Variants in PLCB1 observed in about 807,000 individuals in gnomAD.
The protein encoded by PLCB1 is 1-phosphatidylinositol 4,5-bisphosphate phosphodiesterase beta-1.
PLCB1 carries 46 observed loss-of-function variants against 161.8 expected under a neutral mutation model. That is an observed-to-expected ratio of 0.28 (90% CI 0.22 to 0.36). PLCB1 has a LOEUF of 0.36. PLCB1 is among the 10% of genes least tolerant of loss of function. The pLI is 1.00. For missense variants in PLCB1, 1,016 were observed against 1,472.5 expected, an observed-to-expected ratio of 0.69 and a Z score of 5.07; for synonymous variants, 517 against 503.7, an observed-to-expected ratio of 1.03 and a Z score of -0.35.
At chr20:8,727,158 GA>G (rs988493259) in intron 16 of PLCB1, 150 bp from the exon 17 acceptor site, 44 of 539,040 alleles carry the variant, frequency 8.2e-5, no homozygotes, top group East Asian at 9.0e-5. Context: ...TAGTGCACTA[GA>G]AAAAAAAATT....
At chr20:8,786,654 A>C (rs1257914221) in intron 27 of PLCB1, among the ~76,000 whole-genome samples, 1 of 151,836 alleles carries the variant, frequency 6.6e-6, no homozygotes, top group Non-Finnish European at 1.5e-5. Flanking sequence ...GCATAGGGCA[A>C]TTCTCAGAAT....
intron 10 of PLCB1, among the ~76,000 whole-genome samples, chr20:8,693,564 G>A (rs1990525927): frequency 6.6e-6 from 1 of 152,168 alleles, no homozygotes; most frequent in South Asian, 2.1e-4. Flanking sequence ...TCCATCTGTT[G>A]AAGGGGACAA....
chr20:8,603,760 C>A lies in PLCB1; in HGVS notation c.247-24534C>A, dbSNP rs190679870. On this transcript the variant is annotated intron_variant, in intron 3 of 31. Transcript: ENST00000338037. ...ATGTGTGTTTCAACTTGACACTAAC[C>A]AATAATTCTACCACTTAACATTAAC... Among the ~76,000 whole-genome samples the A allele has an allele frequency of 6.1e-4, 93 of 152,306 alleles. No homozygotes were observed. In the Middle Eastern group the frequency reaches 0.024, roughly 39 times the overall value.
intron 3 of PLCB1, among the ~76,000 whole-genome samples, chr20:8,408,602 A>T (rs993956707): frequency 1.3e-5 from 2 of 152,158 alleles, no homozygotes; most frequent in African/African-American, 2.4e-5. Context: ...CATGGGACAT[A>T]CTGTAAATTT....
At chr20:8,665,540 A>C (rs1321772402) in intron 9 of PLCB1, among the ~76,000 whole-genome samples, 1 of 152,216 alleles carries the variant, frequency 6.6e-6, no homozygotes, top group Non-Finnish European at 1.5e-5. Flanking sequence ...CTTGAAAAAA[A>C]TATGGCATGT....
chr20:8,881,328 CGTGTGTGTGTGTGT>C (rs3222517), intron 31 of PLCB1, among the ~76,000 whole-genome samples: 1 of 128,980 alleles, frequency 7.8e-6, no homozygotes, highest in South Asian at 2.4e-4. Flanking sequence ...TCAAAAGACC[CGTGTGTGTGTGTGT>C]GTGTGTGTGT....
chr20:8,629,763 A>G (rs1042494383), intron 4 of PLCB1, among the ~76,000 whole-genome samples: 1 of 149,744 alleles, frequency 6.7e-6, no homozygotes, highest in African/African-American at 2.5e-5. Flanking sequence ...GAGCTACACC[A>G]GATGTGTTGG....
At chr20:8,605,368 A>T (rs1005397354) in intron 3 of PLCB1, among the ~76,000 whole-genome samples, 3 of 152,114 alleles carry the variant, frequency 2.0e-5, no homozygotes, top group Non-Finnish European at 4.4e-5. Flanking sequence ...CCACTTATAG[A>T]CGTAGTTCAC....
chr20:8,760,568 A>G, intron 25 of PLCB1, 108 bp downstream of exon 25: 1 of 693,602 alleles, frequency 1.4e-6, no homozygotes, highest in Non-Finnish European at 2.5e-6. Context: ...AACATCATTA[A>G]TATTTCTTCT....
chr20:8,464,678 A>G (rs962492518), intron 3 of PLCB1, among the ~76,000 whole-genome samples: 2 of 152,184 alleles, frequency 1.3e-5, no homozygotes, highest in African/African-American at 4.8e-5. Flanking sequence ...GAGATAACAT[A>G]GAAAAGTTCA....
chr20:8,387,568 A>G (rs573792966), intron 3 of PLCB1, among the ~76,000 whole-genome samples: 1 of 152,358 alleles, frequency 6.6e-6, no homozygotes, highest in South Asian at 2.1e-4. Flanking sequence ...AAAATTACCA[A>G]AATGTGACAC....
At chr20:8,711,476 A>C (rs1979013568) in intron 12 of PLCB1, among the ~76,000 whole-genome samples, 1 of 152,266 alleles carries the variant, frequency 6.6e-6, no homozygotes, top group Non-Finnish European at 1.5e-5. Context: ...TAGCTATTAA[A>C]AGTTCATTAA....
At chr20:8,146,113 T>G (rs1040185555) in intron 1 of PLCB1, among the ~76,000 whole-genome samples, 117 of 151,902 alleles carry the variant, frequency 7.7e-4, no homozygotes, top group African/African-American at 2.5e-3. Context: ...TTGTTTTTTT[T>G]TTTTTTGGTA....
intron 31 of PLCB1, among the ~76,000 whole-genome samples, chr20:8,872,904 A>G (rs962522519): frequency 5.3e-5 from 8 of 152,152 alleles, no homozygotes; most frequent in Non-Finnish European, 4.4e-5. Flanking sequence ...CGCAAAATGG[A>G]GAATCAATTC....
chr20:8,174,866 T>C (rs143614888), intron 2 of PLCB1, among the ~76,000 whole-genome samples: 3 of 151,964 alleles, frequency 2.0e-5, no homozygotes, highest in Admixed American at 6.6e-5. Context: ...CTGGCCAAGA[T>C]AGCAAATTCC....
At position 8,697,689 on chromosome 20, in the gene PLCB1, G is replaced by T. The variant is rs2123428071; in HGVS notation, c.1073G>T (p.Arg358Leu). 6.2e-7 allele frequency: 1 copy of T among 1,614,158 alleles called. No homozygotes were observed. Among genetic ancestry groups the T allele is most frequent in the Non-Finnish European group, 8.5e-7 (1 of 1,179,998 alleles). Residue 358 changes from arginine (R) to leucine (L), a missense_variant, in exon 11 of 32, where the codon CGC (arginine) becomes CTC (leucine). This residue lies in a region of PLCB1 where 56 missense variants were observed against 126.3 expected (regional missense o/e 0.44). Coordinates refer to ENST00000338037, the MANE Select transcript of PLCB1 (RefSeq NM_015192.4). Reference protein sequence around the residue: ...MYRQVLLSGCRCVELDCWKGR... With the variant: ...MYRQVLLSGCLCVELDCWKGR... ...CGCCAAGTGCTCCTGTCTGGTTGTCGCTGTGTGGAGCTGGACTGCTGGAAG... is the reference window on the plus strand; with the variant it reads ...CGCCAAGTGCTCCTGTCTGGTTGTCTCTGTGTGGAGCTGGACTGCTGGAAG...
intron 3 of PLCB1, among the ~76,000 whole-genome samples, chr20:8,570,317 T>C (rs1986464327): frequency 6.6e-6 from 1 of 152,136 alleles, no homozygotes; most frequent in Admixed American, 6.5e-5. Flanking sequence ...CCCCTCTAAG[T>C]CTGTGGCTTC....
At chr20:8,425,783 A>G (rs1008721885) in intron 3 of PLCB1, among the ~76,000 whole-genome samples, 6 of 152,180 alleles carry the variant, frequency 3.9e-5, no homozygotes, top group African/African-American at 1.4e-4. Flanking sequence ...CACCATCAGC[A>G]GCAATGTCCA....
intron 2 of PLCB1, among the ~76,000 whole-genome samples, chr20:8,260,183 C>A (rs1053400584): frequency 2.1e-4 from 31 of 150,798 alleles, no homozygotes; most frequent in Non-Finnish European, 5.9e-5. Flanking sequence ...TAGACTCAAG[C>A]AATCTTATAG....
Sources: allele counts gnomAD v4.1 joint callset (sites outside exome capture counted in the v4.1 genomes callset), GRCh38; gene constraint gnomAD v4.1.1; regional missense constraint gnomAD v4.1.1; transcripts MANE v1.5; gene names NCBI Gene and HGNC (gene_info 2026-07-23, HGNC 2026-07-21).